The following SEMA5A variants were observed in gnomAD, a reference collection of about 807,000 sequenced individuals.
SEMA5A encodes the protein semaphorin-5A.
Under a neutral mutation model 135.5 loss-of-function variants are expected in SEMA5A, and 55 were observed. That is an observed-to-expected ratio of 0.41 (90% CI 0.33 to 0.51). The LOEUF (loss-of-function observed/expected upper bound fraction) is 0.51. SEMA5A is among the 20% of genes least tolerant of loss of function. The pLI, the probability that SEMA5A is intolerant of heterozygous loss-of-function variation, is 0.37. For missense variants in SEMA5A, 1,290 were observed against 1,419.9 expected, an observed-to-expected ratio of 0.91 and a Z score of 1.47; for synonymous variants, 580 against 546.5, an observed-to-expected ratio of 1.06 and a Z score of -0.85.
chr5:9,144,482 T>C (rs1186741103), intron 12 of SEMA5A, among the ~76,000 whole-genome samples: 2 of 152,214 alleles, frequency 1.3e-5, no homozygotes, highest in Non-Finnish European at 2.9e-5. Flanking sequence ...CAAGGAACCC[T>C]TCTGTGTAGT....
intron 16 of SEMA5A, 137 bp downstream of exon 16, chr5:9,108,003 A>G: frequency 8.9e-7 from 1 of 1,125,722 alleles, no homozygotes; most frequent in East Asian, 2.6e-5. Context: ...AGTGTACCAA[A>G]TTTGTGCAGA....
chr5:9,341,631 G>C (rs1753656981), intron 3 of SEMA5A, among the ~76,000 whole-genome samples: 1 of 146,610 alleles, frequency 6.8e-6, no homozygotes, highest in Non-Finnish European at 1.5e-5. Context: ...GCTTAAATAT[G>C]GCAGCCAATA....
intron 3 of SEMA5A, among the ~76,000 whole-genome samples, chr5:9,346,926 A>ATATATATATATATG (rs1466830307): frequency 2.0e-5 from 3 of 151,856 alleles, no homozygotes; most frequent in African/African-American, 7.3e-5. Flanking sequence ...ATATATATAT[A>ATATATATATATATG]TATGTATTTG....
At chr5:9,520,716 C>T (rs1004470474) in intron 1 of SEMA5A, among the ~76,000 whole-genome samples, 2 of 152,160 alleles carry the variant, frequency 1.3e-5, no homozygotes, top group Admixed American at 1.3e-4. Context: ...CCAGAAAATC[C>T]TAGCTCCAGG....
intron 3 of SEMA5A, among the ~76,000 whole-genome samples, chr5:9,346,322 A>G (rs1379856989): frequency 6.6e-6 from 1 of 151,912 alleles, no homozygotes; most frequent in Admixed American, 6.6e-5. Flanking sequence ...ACCCACTTTC[A>G]TTGGCATTTA....
rs1738334285 is a variant in SEMA5A at position 9,545,400 on chromosome 5, C to T, written c.-175+184G>A. ...TCAACTGTGGGCGCCCCCGGACTGA[C>T]GGTCGTCCTAATCCTGTACGCGCAA... is the stretch of plus-strand genomic sequence containing the variant. On this transcript the variant is annotated intron_variant, in intron 1 of 22. Transcript: ENST00000382496. The surrounding 1 kb of genome is among the most constrained non-coding windows in gnomAD (Gnocchi z 4.5). Among the ~76,000 whole-genome samples the T allele has an allele frequency of 6.6e-6, 1 of 152,118 alleles. No individual in the cohort carries two copies. Among genetic ancestry groups the T allele is most frequent in the Non-Finnish European group, 1.5e-5 (1 of 68,022 alleles).
intron 1 of SEMA5A, among the ~76,000 whole-genome samples, chr5:9,456,853 G>A (rs546832384): frequency 6.6e-6 from 1 of 152,148 alleles, no homozygotes; most frequent in African/African-American, 2.4e-5. Flanking sequence ...CAACAGAGAG[G>A]CTGTCTTACC....
In SEMA5A at chr5:9,414,021, G is replaced by A. The variant is rs138214591; in HGVS notation, c.-78+23735C>T. On this transcript the variant is annotated intron_variant, in intron 2 of 22. Transcript: ENST00000382496. ...CATTTCCTAACTTTTTTTCAATCTG[G>A]GAGGATCTGATTCATAATTATCATC... 2.6e-5 allele frequency among the ~76,000 whole-genome samples: 4 copies of A among 152,002 alleles called. No homozygotes were observed. In the East Asian group the frequency reaches 5.8e-4, roughly 22 times the overall value.
chr5:9,237,758 C>T, intron 6 of SEMA5A, 70 bp downstream of exon 6: 1 of 1,381,666 alleles, frequency 7.2e-7, no homozygotes, highest in South Asian at 1.2e-5. Context: ...CTCTTCATAT[C>T]AACATGCTTT....
At chr5:9,062,710 T>C (rs1341058124) in intron 18 of SEMA5A, among the ~76,000 whole-genome samples, 177 bp downstream of exon 18, 1 of 152,172 alleles carries the variant, frequency 6.6e-6, no homozygotes, top group Non-Finnish European at 1.5e-5. Context: ...ATTCCCCCTC[T>C]CTGGCCTCAC....
chr5:9,447,339 C>T lies in SEMA5A; in HGVS notation c.-174-9487G>A, dbSNP rs576176498. ...TCTGGGCCAAGCCAATTGCGTTTTG[C>T]CTTGGAAGACAAACTCTGATGTTCT... is the stretch of plus-strand genomic sequence containing the variant. On this transcript the variant is annotated intron_variant, in intron 1 of 22. Coordinates refer to ENST00000382496, the MANE Select transcript of SEMA5A (RefSeq NM_003966.3). 7.2e-4 allele frequency among the ~76,000 whole-genome samples: 109 copies of T among 152,224 alleles called. 1 individual carries two copies. The highest frequency in any genetic ancestry group is 2.6e-3 in the African/African-American group (107 of 41,532).
chr5:9,245,754 G>A (rs956987512), intron 5 of SEMA5A, among the ~76,000 whole-genome samples: 1 of 152,024 alleles, frequency 6.6e-6, no homozygotes, highest in African/African-American at 2.4e-5. Context: ...TTAAATAATG[G>A]GATTAAAGCA....
At chr5:9,139,402 C>G (rs1185910241) in intron 12 of SEMA5A, among the ~76,000 whole-genome samples, 1 of 152,184 alleles carries the variant, frequency 6.6e-6, no homozygotes, top group East Asian at 1.9e-4. Context: ...CTGGATGTTA[C>G]CATATTTTTT....
At chr5:9,178,009 CT>C (rs1476965035) in intron 11 of SEMA5A, among the ~76,000 whole-genome samples, 2 of 152,022 alleles carry the variant, frequency 1.3e-5, no homozygotes, top group African/African-American at 2.4e-5. Flanking sequence ...AAATTGAAAC[CT>C]TCAGCCTGCC....
At chr5:9,161,047 C>T (rs755123187) in intron 11 of SEMA5A, among the ~76,000 whole-genome samples, 5 of 151,988 alleles carry the variant, frequency 3.3e-5, no homozygotes, top group Admixed American at 6.6e-5. Flanking sequence ...CACAGGAAAA[C>T]GTGTTCATGT....
At chr5:9,473,689 C>T (rs1385751490) in intron 1 of SEMA5A, among the ~76,000 whole-genome samples, 1 of 151,980 alleles carries the variant, frequency 6.6e-6, no homozygotes, top group African/African-American at 2.4e-5. Flanking sequence ...GGGATATGGG[C>T]TTAGGGAACG....
At chr5:9,197,544 G>GATT (rs1235400125) in intron 9 of SEMA5A, among the ~76,000 whole-genome samples, 3 of 152,164 alleles carry the variant, frequency 2.0e-5, no homozygotes, top group Non-Finnish European at 4.4e-5. Flanking sequence ...TGTCAGCCAG[G>GATT]ATTAATTCAC....
intron 16 of SEMA5A, among the ~76,000 whole-genome samples, chr5:9,084,260 G>T (rs1738556423): frequency 1.3e-5 from 2 of 152,154 alleles, no homozygotes; most frequent in South Asian, 4.1e-4. Flanking sequence ...GAGTATGATG[G>T]TGGCCTTCCC....
chr5:9,400,508 T>TC lies in SEMA5A; in HGVS notation c.-77-20486_-77-20485insG, dbSNP rs1214731205. Among the ~76,000 whole-genome samples, 2 of 50,076 alleles carry TC rather than the reference T, an allele frequency of 4.0e-5. 1 individual carries two copies. Among genetic ancestry groups the TC allele is most frequent in the Admixed American group, 4.7e-4 (2 of 4,286 alleles). The allele number at this position is 50,076 out of a possible 152,430, so 32.9% of individuals were successfully genotyped here. A position where few individuals can be genotyped will look rare whatever the true frequency, so the allele number is the denominator to read the frequency against. ...AGTTTGAACACAATGTACATTTTTT[T>TC]TTTTTTTTTTTTTTTTGAGACGGAG... On this transcript the variant is annotated intron_variant, in intron 2 of 22. Coordinates refer to ENST00000382496, the MANE Select transcript of SEMA5A (RefSeq NM_003966.3).
Sources: gnomAD v4.1 joint callset for allele counts (sites outside exome capture counted in the v4.1 genomes callset) on GRCh38, gnomAD v4.1.1 for gene constraint, Gnocchi (gnomAD v3.1) non-coding constraint, MANE v1.5 for transcripts, NCBI Gene and HGNC (gene_info 2026-07-23, HGNC 2026-07-21) for gene names.